TET1: variants seen among roughly 807,000 people sequenced by gnomAD.
TET1 encodes methylcytosine dioxygenase TET1.
In TET1, 13 loss-of-function variants were observed where a neutral mutation model predicts 148.7. That is an observed-to-expected ratio of 0.09 (90% CI 0.06 to 0.14). The LOEUF is 0.14. Ranked by LOEUF, TET1 falls within the 10% of genes least tolerant of loss-of-function variation. TET1 has a pLI of 1.00. For missense variants in TET1, 2,182 were observed against 2,553.8 expected (o/e 0.85, Z 3.14); for synonymous variants, 907 against 937.2 (o/e 0.97, Z 0.59).
chr10:68,615,715 A>G (rs561529479), intron 3 of TET1, among the ~76,000 whole-genome samples: 1 of 151,674 alleles, frequency 6.6e-6, no homozygotes, highest in African/African-American at 2.4e-5. Context: ...CTGGAGTGCA[A>G]TGGCGCGATC....
intron 3 of TET1, among the ~76,000 whole-genome samples, chr10:68,614,220 G>A (rs916223969): frequency 6.6e-6 from 1 of 152,134 alleles, no homozygotes; most frequent in African/African-American, 2.4e-5. Flanking sequence ...TGCTGATTTA[G>A]TTGGGCCACA....
chr10:68,569,274 G>A lies in TET1; in HGVS notation c.-122-2943G>A, dbSNP rs539364727. Among the ~76,000 whole-genome samples, 30 of 144,250 alleles carry A rather than the reference G, an allele frequency of 2.1e-4. No individual in the cohort carries two copies. In the East Asian group the frequency reaches 6.4e-3, roughly 31 times the overall value. 94.6% of individuals were successfully genotyped at this position (144,250 alleles called of 152,430 possible). Reference sequence around the variant, plus strand: ...TGCAAGCTCTGCCTCCCGGGTTCACGCCATTCTCCTGCCTCAGCTTCCCAA... The same window carrying A: ...TGCAAGCTCTGCCTCCCGGGTTCACACCATTCTCCTGCCTCAGCTTCCCAA... On this transcript the variant is annotated intron_variant, in intron 1 of 11. Coordinates refer to ENST00000373644, the MANE Select transcript of TET1 (RefSeq NM_030625.3).
intron 3 of TET1, among the ~76,000 whole-genome samples, chr10:68,641,806 A>G (rs1384887290): frequency 6.6e-6 from 1 of 151,878 alleles, no homozygotes. Flanking sequence ...TGGCCTATTT[A>G]TTTATTTATT....
intron 3 of TET1, among the ~76,000 whole-genome samples, chr10:68,626,081 C>T (rs1468988201): frequency 1.0e-5 from 1 of 99,742 alleles, no homozygotes; most frequent in Non-Finnish European, 1.9e-5. Context: ...AAGAACGAGA[C>T]CCTATCTCAA....
intron 3 of TET1, among the ~76,000 whole-genome samples, chr10:68,633,012 C>T (rs1048517436): frequency 4.6e-5 from 7 of 151,766 alleles, no homozygotes; most frequent in Non-Finnish European, 8.8e-5. Context: ...GGTGAAACCC[C>T]GTCTCTACTA....
intron 1 of TET1, among the ~76,000 whole-genome samples, chr10:68,562,503 C>T (rs947872616): frequency 7.9e-5 from 12 of 152,144 alleles, no homozygotes; most frequent in African/African-American, 2.9e-4. Flanking sequence ...TCCCCCTTTT[C>T]CCCAATTAAG....
At chr10:68,606,486 C>A (rs2054126227) in intron 3 of TET1, among the ~76,000 whole-genome samples, 5 of 152,108 alleles carry the variant, frequency 3.3e-5, no homozygotes, top group Admixed American at 3.3e-4. Context: ...AAAGTAATTT[C>A]TTTAGAGTTT....
At chr10:68,579,213 C>G (rs1279556548) in intron 2 of TET1, among the ~76,000 whole-genome samples, 1 of 152,194 alleles carries the variant, frequency 6.6e-6, no homozygotes, top group African/African-American at 2.4e-5. Flanking sequence ...GTAAAAAACA[C>G]TGTATCTCTA....
intron 2 of TET1, among the ~76,000 whole-genome samples, chr10:68,578,092 T>C (rs2053753076): frequency 2.6e-5 from 4 of 152,094 alleles, no homozygotes; most frequent in Admixed American, 2.0e-4. Context: ...TAAAATACTT[T>C]GTTGTAAAAA....
intron 11 of TET1, among the ~76,000 whole-genome samples, chr10:68,688,891 T>G (rs1409092577): frequency 6.6e-6 from 1 of 152,248 alleles, no homozygotes; most frequent in Non-Finnish European, 1.5e-5. Flanking sequence ...ATGTATTCCT[T>G]AGCTTCTTTC....
intron 4 of TET1, among the ~76,000 whole-genome samples, chr10:68,647,784 C>T (rs1044144656): frequency 1.3e-5 from 2 of 152,094 alleles, no homozygotes; most frequent in African/African-American, 2.4e-5. Context: ...ATATAGCTGG[C>T]AGTTGCCGTC....
intron 2 of TET1, among the ~76,000 whole-genome samples, chr10:68,579,218 T>C (rs1357482280): frequency 6.6e-6 from 1 of 152,228 alleles, no homozygotes; most frequent in Non-Finnish European, 1.5e-5. Context: ...AAACACTGTA[T>C]CTCTAATGGA....
intron 6 of TET1, among the ~76,000 whole-genome samples, chr10:68,662,921 C>G (rs1196921175): frequency 1.3e-5 from 2 of 151,874 alleles, no homozygotes; most frequent in African/African-American, 4.8e-5. Context: ...ACACTGTCTC[C>G]AAAAGGAAAA....
intron 3 of TET1, among the ~76,000 whole-genome samples, chr10:68,626,456 C>T (rs2054484169): frequency 6.6e-6 from 1 of 152,166 alleles, no homozygotes; most frequent in African/African-American, 2.4e-5. Context: ...CTGCCTCAGC[C>T]TCCGAAAGTG....
Position 68,639,568 on chromosome 10 carries a change from A to C in TET1, c.1969-5130A>C, listed in dbSNP as rs555880137. On this transcript the variant is annotated intron_variant, in intron 3 of 11. Coordinates refer to ENST00000373644, the MANE Select transcript of TET1 (RefSeq NM_030625.3). The stretch of plus-strand genomic sequence containing the variant: ...ACTGGAACCTGTGCCTCCCAGGTTC[A>C]CGTGATCCTCCCGCTTCAGCCTCCC... Among the ~76,000 whole-genome samples the C allele has an allele frequency of 2.0e-4, 31 of 152,040 alleles. No individual in the cohort carries two copies. In the East Asian group the frequency reaches 5.8e-3, roughly 29 times the overall value.
chr10:68,572,630 A>G lies in TET1; in HGVS notation c.292A>G (p.Thr98Ala). Residue 98 changes from threonine (T) to alanine (A), a missense_variant, in exon 2 of 12, where the codon ACC (threonine) becomes GCC (alanine). Transcript: ENST00000373644. The stretch of plus-strand genomic sequence containing the variant: ...TCTTTTTCAGAACCCAGAGTCCTTA[A>G]CCTGCAATGGGTTTACAATGGCGCT... ...EVLFQNPESL[T>A]CNGFTMALRS... is the part of the protein sequence containing the mutation. 6.2e-7 allele frequency: 1 copy of G among 1,614,156 alleles called. No homozygotes were observed. Among genetic ancestry groups the G allele is most frequent in the Non-Finnish European group, 8.5e-7 (1 of 1,180,028 alleles).
intron 2 of TET1, among the ~76,000 whole-genome samples, chr10:68,579,639 A>G (rs370116361): frequency 2.0e-5 from 3 of 152,322 alleles, no homozygotes; most frequent in Non-Finnish European, 4.4e-5. Context: ...TGTTCTCTTT[A>G]TGTGATATAT....
intron 6 of TET1, among the ~76,000 whole-genome samples, chr10:68,660,343 C>CT (rs35395692): frequency 0.13 from 18,079 of 138,206 alleles, 1,286 homozygotes; most frequent in South Asian, 0.17. Flanking sequence ...TCTTCTTCTT[C>CT]TTTTTTTTTT....
At position 68,683,700 on chromosome 10, in the gene TET1, A is replaced by C. The variant is rs539453406; in HGVS notation, c.5052+727A>C. 8.1e-3 allele frequency among the ~76,000 whole-genome samples: 1,223 copies of C among 151,604 alleles called. 12 individuals carry two copies. The highest frequency in any genetic ancestry group is 0.012 in the Non-Finnish European group (822 of 67,678). On this transcript the variant is annotated intron_variant, in intron 10 of 11. Coordinates refer to ENST00000373644, the MANE Select transcript of TET1 (RefSeq NM_030625.3). ...GTGCTGGGATTACAGGTGTGAGCCA[A>C]CGCGCTCGGCCAATTTTTTAAAGTA... is the stretch of plus-strand genomic sequence containing the variant.
Sources: gnomAD v4.1 joint callset for allele counts (sites outside exome capture counted in the v4.1 genomes callset) on GRCh38, gnomAD v4.1.1 for gene constraint, MANE v1.5 for transcripts, NCBI Gene and HGNC (gene_info 2026-07-23, HGNC 2026-07-21) for gene names.